The following PLCB1 variants were observed in gnomAD, a reference collection of about 807,000 sequenced individuals.
PLCB1 encodes phospholipase C beta 1, also known as 1-phosphatidylinositol 4,5-bisphosphate phosphodiesterase beta-1.
PLCB1 carries 46 observed loss-of-function variants against 161.8 expected under a neutral mutation model. That is an observed-to-expected ratio of 0.28 (90% CI 0.22 to 0.36). The LOEUF (loss-of-function observed/expected upper bound fraction) is 0.36, where lower values mean the gene tolerates loss of function less well. Among genes scored for constraint, PLCB1 ranks in the 10% least tolerant of loss-of-function variants. PLCB1 has a pLI of 1.00. For synonymous variants in PLCB1, 517 were observed against 503.7 expected (o/e 1.03, Z -0.35); for missense variants, 1,016 against 1,472.5 (o/e 0.69, Z 5.07).
intron 3 of PLCB1, among the ~76,000 whole-genome samples, chr20:8,410,774 T>A (rs1600382512): frequency 6.6e-6 from 1 of 152,120 alleles, no homozygotes; most frequent in Non-Finnish European, 1.5e-5. Context: ...TTAAGTATCT[T>A]GAGAGGAAAA....
chr20:8,660,577 A>C (rs979708128), intron 9 of PLCB1, among the ~76,000 whole-genome samples: 1 of 152,050 alleles, frequency 6.6e-6, no homozygotes, highest in Non-Finnish European at 1.5e-5. Context: ...TCCTCTGATG[A>C]CTTGCACGAT....
chr20:8,523,465 G>GCTCTCTCTCTCTCTCTCT lies in PLCB1; in HGVS notation c.247-104814_247-104797dup, dbSNP rs1174973173. On this transcript the variant is annotated intron_variant, in intron 3 of 31. Coordinates refer to ENST00000338037, the MANE Select transcript of PLCB1 (RefSeq NM_015192.4). ...ACGACAACAAATATATATATATTTG[G>GCTCTCTCTCTCTCTCTCT]CTCTCTCTCTCTCTCTCTCTCTCTC... Among the ~76,000 whole-genome samples, 53 of 48,792 alleles carry GCTCTCTCTCTCTCTCTCT rather than the reference G, an allele frequency of 1.1e-3. 4 individuals are homozygous for GCTCTCTCTCTCTCTCTCT. Among genetic ancestry groups the GCTCTCTCTCTCTCTCTCT allele is most frequent in the South Asian group, 2.0e-3 (3 of 1,478 alleles). 32.0% of individuals were successfully genotyped at this position (48,792 alleles called of 152,430 possible). A position where few individuals can be genotyped will look rare whatever the true frequency, so the allele number is the denominator to read the frequency against.
chr20:8,570,440 T>C (rs1986467701), intron 3 of PLCB1, among the ~76,000 whole-genome samples: 1 of 152,164 alleles, frequency 6.6e-6, no homozygotes, highest in African/African-American at 2.4e-5. Context: ...TGCATATATG[T>C]AAAGATACAT....
chr20:8,756,666 A>C (rs1981751458), intron 23 of PLCB1, among the ~76,000 whole-genome samples: 2 of 152,164 alleles, frequency 1.3e-5, no homozygotes, highest in Non-Finnish European at 2.9e-5. Flanking sequence ...AGGATGACTC[A>C]GACCTCTCAT....
chr20:8,172,844 A>G (rs2051746161), intron 2 of PLCB1, among the ~76,000 whole-genome samples: 1 of 152,208 alleles, frequency 6.6e-6, no homozygotes, highest in Non-Finnish European at 1.5e-5. Context: ...GAGAAGCAGC[A>G]TGGGGCAGGG....
At chr20:8,370,582 A>C (rs960189070) in intron 2 of PLCB1, among the ~76,000 whole-genome samples, 1 of 152,132 alleles carries the variant, frequency 6.6e-6, no homozygotes, top group South Asian at 2.1e-4. Context: ...GCATTTGCTC[A>C]TATTTTCCCC....
intron 3 of PLCB1, among the ~76,000 whole-genome samples, chr20:8,581,786 T>C (rs1032505769): frequency 2.6e-5 from 4 of 152,200 alleles, no homozygotes; most frequent in East Asian, 3.9e-4. Context: ...TGAGTATTTC[T>C]ACTCTGAATT....
intron 31 of PLCB1, among the ~76,000 whole-genome samples, chr20:8,836,198 C>G (rs1305444131): frequency 6.6e-6 from 1 of 152,202 alleles, no homozygotes; most frequent in Non-Finnish European, 1.5e-5. Flanking sequence ...CCACATTTTA[C>G]TGTCCAAAGC....
intron 2 of PLCB1, among the ~76,000 whole-genome samples, chr20:8,343,592 ACTG>A (rs1985891418): frequency 6.6e-6 from 1 of 152,156 alleles, no homozygotes; most frequent in Non-Finnish European, 1.5e-5. Flanking sequence ...TGTTTTAAAA[ACTG>A]CTAACGATTC....
At chr20:8,263,909 T>G (rs1981829465) in intron 2 of PLCB1, among the ~76,000 whole-genome samples, 1 of 152,170 alleles carries the variant, frequency 6.6e-6, no homozygotes, top group South Asian at 2.1e-4. Flanking sequence ...CTAGAGAATT[T>G]ATAAACACTG....
chr20:8,147,438 A>G (rs548644738), intron 1 of PLCB1, among the ~76,000 whole-genome samples: 1 of 152,238 alleles, frequency 6.6e-6, no homozygotes, highest in Non-Finnish European at 1.5e-5. Context: ...TTGTCAATGA[A>G]GGATGGTCAT....
Position 8,461,913 on chromosome 20 carries a change from A to T in PLCB1, c.246+90463A>T, listed in dbSNP as rs1981594494. ...TTCATAACTCTATCTCATCTTAAAA[A>T]TATCCCATTCCAATTTGCTGAATAC... On this transcript the variant is annotated intron_variant, in intron 3 of 31. Transcript: ENST00000338037. Among the ~76,000 whole-genome samples the T allele has an allele frequency of 2.0e-5, 3 of 152,172 alleles. 1 individual carries two copies. The South Asian group carries it at 6.2e-4, about 31-fold the overall frequency.
chr20:8,379,812 TG>T (rs1195882943), intron 3 of PLCB1, among the ~76,000 whole-genome samples: 6 of 152,308 alleles, frequency 3.9e-5, no homozygotes, highest in Non-Finnish European at 7.4e-5. Flanking sequence ...TGTTTTGTTT[TG>T]TTTTTTTTCT....
At chr20:8,820,563 A>G (rs1401418159) in intron 31 of PLCB1, among the ~76,000 whole-genome samples, 1 of 152,162 alleles carries the variant, frequency 6.6e-6, no homozygotes, top group Non-Finnish European at 1.5e-5. Flanking sequence ...ACTCTGAAAA[A>G]CAATTTGAGA....
At chr20:8,214,469 C>T (rs1480237843) in intron 2 of PLCB1, among the ~76,000 whole-genome samples, 1 of 152,104 alleles carries the variant, frequency 6.6e-6, no homozygotes, top group Non-Finnish European at 1.5e-5. Flanking sequence ...TGTAACCTTC[C>T]TGAGGCCTCC....
intron 3 of PLCB1, among the ~76,000 whole-genome samples, chr20:8,390,127 C>T (rs908224148): frequency 4.9e-4 from 75 of 152,302 alleles, no homozygotes; most frequent in African/African-American, 1.7e-3. Context: ...CTGGTTACCA[C>T]AGCAAAGTAC....
intron 3 of PLCB1, among the ~76,000 whole-genome samples, chr20:8,380,849 G>A (rs1987231478): frequency 6.6e-6 from 1 of 152,184 alleles, no homozygotes; most frequent in Non-Finnish European, 1.5e-5. Context: ...TTGGGGTTGA[G>A]ATGATGTGGT....
chr20:8,801,224 T>C (rs1984264942), intron 31 of PLCB1, among the ~76,000 whole-genome samples: 1 of 152,134 alleles, frequency 6.6e-6, no homozygotes, highest in Non-Finnish European at 1.5e-5. Context: ...TTTCCTCATC[T>C]CCCAAGTGTC....
chr20:8,689,599 A>G lies in PLCB1; in HGVS notation c.1009+4521A>G, dbSNP rs551967244. The stretch of plus-strand genomic sequence containing the variant: ...TTATACATACTAACTCATTTTCTTT[A>G]CTGAAAACCTTATAATAGTATTAAG... On this transcript the variant is annotated intron_variant, in intron 10 of 31. Transcript: ENST00000338037. Among the ~76,000 whole-genome samples, 4 of 152,234 alleles carry G rather than the reference A, an allele frequency of 2.6e-5. No individual in the cohort carries two copies. In the South Asian group the frequency reaches 8.3e-4, roughly 32 times the overall value.
Sources: gnomAD v4.1 joint callset for allele counts (sites outside exome capture counted in the v4.1 genomes callset) on GRCh38, gnomAD v4.1.1 for gene constraint, MANE v1.5 for transcripts, NCBI Gene and HGNC (gene_info 2026-07-23, HGNC 2026-07-21) for gene names.